Variants in RBKS observed in about 807,000 individuals in gnomAD.
RBKS encodes ribokinase.
A neutral mutation model predicts 33.9 loss-of-function variants in RBKS; 33 were observed. The observed-to-expected ratio is 0.97, with a 90% confidence interval of 0.74 to 1.30. RBKS has a LOEUF of 1.30. Ranked by LOEUF, RBKS falls within the 50% of genes most tolerant of loss-of-function variation. The pLI is 0.00. For synonymous variants in RBKS, 125 were observed against 143.0 expected (o/e 0.87, Z 0.90); for missense variants, 361 against 392.6 (o/e 0.92, Z 0.68).
chr2:27,853,575 T>C (rs1356933683), intron 2 of RBKS, among the ~76,000 whole-genome samples: 1 of 152,062 alleles, frequency 6.6e-6, no homozygotes. Context: ...GAAGATCACC[T>C]GAGCCCGGGG....
At position 27,825,136 on chromosome 2, in the gene RBKS, CAA is replaced by C. The variant is rs35672800; in HGVS notation, c.795+2429_795+2430del. Among the ~76,000 whole-genome samples the C allele has an allele frequency of 2.6e-3, 360 of 138,638 alleles. 1 individual carries two copies. The highest frequency in any genetic ancestry group is 7.7e-3 in the African/African-American group (299 of 38,798). 91.0% of individuals were successfully genotyped at this position (138,638 alleles called of 152,430 possible). A position where few individuals can be genotyped will look rare whatever the true frequency, so the allele number is the denominator to read the frequency against. ...TAGGCAACAGAGTGAGAACCTGTCT[CAA>C]AAAAAAAAAAAAGTCAATTTTAGAT... On this transcript the variant is annotated intron_variant, in intron 7 of 7. Coordinates refer to ENST00000302188, the MANE Select transcript of RBKS (RefSeq NM_022128.3).
intron 7 of RBKS, among the ~76,000 whole-genome samples, chr2:27,799,407 C>T (rs532155707): frequency 3.0e-4 from 46 of 152,166 alleles, no homozygotes; most frequent in Non-Finnish European, 4.1e-4. Context: ...AGTTACAGCG[C>T]GTGCATTCCT....
At chr2:27,869,580 A>G (rs1196745907) in intron 1 of RBKS, among the ~76,000 whole-genome samples, 1 of 152,184 alleles carries the variant, frequency 6.6e-6, no homozygotes, top group Non-Finnish European at 1.5e-5. Context: ...TCCAGGGACC[A>G]GGGGGAGGAA....
chr2:27,813,098 T>C (rs1212352467), intron 7 of RBKS, among the ~76,000 whole-genome samples: 1 of 143,264 alleles, frequency 7.0e-6, no homozygotes, highest in Non-Finnish European at 1.5e-5. Context: ...AGCCAAGAGA[T>C]CAAAATAAAA....
chr2:27,889,323 A>G (rs1282665032), intron 1 of RBKS, among the ~76,000 whole-genome samples: 1 of 152,234 alleles, frequency 6.6e-6, no homozygotes, highest in Non-Finnish European at 1.5e-5. Context: ...TACCCTTTGG[A>G]AAAGCAACAT....
At chr2:27,792,846 T>A (rs1677564570) in intron 7 of RBKS, among the ~76,000 whole-genome samples, 1 of 152,154 alleles carries the variant, frequency 6.6e-6, no homozygotes, top group Admixed American at 6.5e-5. Context: ...TGCTCCTTTA[T>A]GATATCTTCC....
chr2:27,859,112 G>A (rs939655988), intron 1 of RBKS, among the ~76,000 whole-genome samples: 3 of 152,068 alleles, frequency 2.0e-5, no homozygotes, highest in African/African-American at 7.2e-5. Flanking sequence ...AGTAAGAGTG[G>A]GGTGTTCAGA....
intron 1 of RBKS, among the ~76,000 whole-genome samples, chr2:27,881,848 G>C (rs1664423073): frequency 6.6e-6 from 1 of 152,238 alleles, no homozygotes; most frequent in East Asian, 1.9e-4. Flanking sequence ...GATAGTGCTG[G>C]AATAACTGGC....
At chr2:27,843,322 G>T in intron 4 of RBKS, 91 bp from the exon 5 acceptor site, 1 of 946,834 alleles carries the variant, frequency 1.1e-6, no homozygotes, top group Non-Finnish European at 1.5e-6. Flanking sequence ...CCCTTGTAAA[G>T]TCATTATACA....
Position 27,781,606 on chromosome 2 carries a change from T to C in RBKS, c.*9A>G. 1.2e-6 allele frequency: 2 copies of C among 1,602,248 alleles called. No homozygotes were observed. The highest frequency in any genetic ancestry group is 1.7e-6 in the Non-Finnish European group (2 of 1,174,002). ...TTCCCAGGTATATTTATTTTGGGAC[T>C]AATAGCAATCAAAACAGAGTAAGCG... On this transcript the variant is annotated 3_prime_UTR_variant, in exon 8 of 8. Coordinates refer to ENST00000302188, the MANE Select transcript of RBKS (RefSeq NM_022128.3).
intron 1 of RBKS, among the ~76,000 whole-genome samples, chr2:27,883,030 C>A (rs549071474): frequency 6.6e-6 from 1 of 152,122 alleles, no homozygotes; most frequent in East Asian, 1.9e-4. Flanking sequence ...CTGGGTACAA[C>A]AAACCCGTGT....
At chr2:27,784,022 C>T (rs1251346709) in intron 7 of RBKS, among the ~76,000 whole-genome samples, 6 of 76,264 alleles carry the variant, frequency 7.9e-5, no homozygotes, top group Middle Eastern at 0.018. Context: ...CTCGCTCTGT[C>T]GCCCAGGCTG....
chr2:27,802,231 C>T (rs1027621837), intron 7 of RBKS, among the ~76,000 whole-genome samples: 9 of 151,476 alleles, frequency 5.9e-5, no homozygotes, highest in African/African-American at 1.9e-4. Flanking sequence ...ATGAGAAATC[C>T]ACCCCCATGA....
At chr2:27,846,987 A>C in intron 4 of RBKS, 55 bp downstream of exon 4, 1 of 1,260,350 alleles carries the variant, frequency 7.9e-7, no homozygotes, top group Non-Finnish European at 1.2e-6. Flanking sequence ...CTTCTGATCT[A>C]ACTCTGGAAA....
At chr2:27,857,993 T>C (rs1048009719) in intron 2 of RBKS, among the ~76,000 whole-genome samples, 1 of 152,152 alleles carries the variant, frequency 6.6e-6, no homozygotes, top group Non-Finnish European at 1.5e-5. Flanking sequence ...AATAAAAAAA[T>C]TGTGGTATAT....
intron 2 of RBKS, among the ~76,000 whole-genome samples, chr2:27,852,886 G>A (rs1340148044): frequency 2.6e-5 from 4 of 152,198 alleles, no homozygotes; most frequent in Non-Finnish European, 5.9e-5. Flanking sequence ...ACAGCTGGTT[G>A]AGGAGACTAA....
chr2:27,878,010 AG>A, intron 1 of RBKS, among the ~76,000 whole-genome samples: 1 of 130,474 alleles, frequency 7.7e-6, no homozygotes, highest in East Asian at 2.0e-4. Flanking sequence ...GCCTTTAATC[AG>A]TTTATTTTTA....
chr2:27,843,273 C>A, intron 4 of RBKS, 42 bp from the exon 5 acceptor site: 2 of 1,464,988 alleles, frequency 1.4e-6, no homozygotes, highest in Non-Finnish European at 1.9e-6. Flanking sequence ...CTAAACAAAG[C>A]CAAGCAAATG....
intron 1 of RBKS, among the ~76,000 whole-genome samples, chr2:27,888,110 A>G (rs1419326086): frequency 6.6e-6 from 1 of 151,900 alleles, no homozygotes; most frequent in African/African-American, 2.4e-5. Context: ...GGTAGGATGT[A>G]TGAGAAAATT....
Sources: gnomAD v4.1 joint callset for allele counts (sites outside exome capture counted in the v4.1 genomes callset) on GRCh38, gnomAD v4.1.1 for gene constraint, MANE v1.5 for transcripts, NCBI Gene and HGNC (gene_info 2026-07-23, HGNC 2026-07-21) for gene names.